Variants in LIMS2 observed in about 807,000 individuals in gnomAD.
LIMS2 encodes LIM and senescent cell antigen-like-containing domain protein 2.
In LIMS2, 30 loss-of-function variants were observed where a neutral mutation model predicts 45.3. The observed-to-expected ratio is 0.66, with a 90% confidence interval of 0.50 to 0.90. The LOEUF is 0.90. Ranked by LOEUF, LIMS2 falls within the 40% of genes least tolerant of loss-of-function variation. LIMS2 has a pLI of 0.00. For missense variants in LIMS2, 485 were observed against 468.7 expected (o/e 1.03, Z -0.32); for synonymous variants, 173 against 188.0 (o/e 0.92, Z 0.65).
chr2:127,650,708 C>T, intron 4 of LIMS2: 1 of 1,587,322 alleles, frequency 6.3e-7, no homozygotes. Flanking sequence ...TTTGCTTGTT[C>T]CCTCCAGGCT....
intron 1 of LIMS2, among the ~76,000 whole-genome samples, chr2:127,660,977 T>G (rs2105316638): frequency 6.6e-6 from 1 of 152,282 alleles, no homozygotes; most frequent in Non-Finnish European, 1.5e-5. Context: ...GCCCAGGGGC[T>G]GCCCCAGCCC....
rs140241805 is a variant in LIMS2, at chr2:127,654,150, T to C, written c.359+274A>G. Reference sequence around the variant, plus strand: ...GGCAGGAGAAGGTGGACAGGTGGGGTCAGTAGATGGGGTGGCCAGGGGGGT... The same window carrying C: ...GGCAGGAGAAGGTGGACAGGTGGGGCCAGTAGATGGGGTGGCCAGGGGGGT... On this transcript the variant is annotated intron_variant, in intron 4 of 9. Coordinates refer to ENST00000355119, the MANE Select transcript of LIMS2 (RefSeq NM_001161403.3). Among the ~76,000 whole-genome samples the C allele has an allele frequency of 8.2e-4, 125 of 151,542 alleles. 1 individual carries two copies. The highest frequency in any genetic ancestry group is 2.9e-3 in the African/African-American group (120 of 41,254).
chr2:127,674,989 C>T, intron 1 of LIMS2, 25 bp downstream of exon 1: 2 of 1,229,084 alleles, frequency 1.6e-6, no homozygotes, highest in Non-Finnish European at 2.0e-6. Context: ...CTCCCCGGCC[C>T]GGGGGCGTGG....
rs1684889558 is a variant in LIMS2 at position 127,664,485 on chromosome 2, A to G, written c.12-6923T>C. Reference sequence around the variant, plus strand: ...GGGAGGCGCGGCCGCCTGGGGCCAGACACCAAGACGGGACGGGCGTGTGGG... The same window carrying G: ...GGGAGGCGCGGCCGCCTGGGGCCAGGCACCAAGACGGGACGGGCGTGTGGG... On this transcript the variant is annotated intron_variant, in intron 1 of 9. Transcript: ENST00000355119. This position sits in a 1 kb window ranked among gnomAD's most constrained non-coding sequence, Gnocchi z 5.5. The G allele has an allele frequency of 1.7e-6, 2 of 1,172,302 alleles. No homozygotes were observed. The highest frequency in any genetic ancestry group is 8.7e-5 in the South Asian group (2 of 22,998). 72.6% of individuals were successfully genotyped at this position (1,172,302 alleles called of 1,614,324 possible). A position where few individuals can be genotyped will look rare whatever the true frequency, so the allele number is the denominator to read the frequency against.
chr2:127,651,766 C>A, intron 4 of LIMS2: 1 of 1,607,810 alleles, frequency 6.2e-7, no homozygotes, highest in Non-Finnish European at 8.5e-7. Context: ...GCGGGGGGCG[C>A]CGTCCAGGCC....
chr2:127,676,339 A>C (rs536983394), upstream of LIMS2, among the ~76,000 whole-genome samples: 21 of 152,286 alleles, frequency 1.4e-4, no homozygotes, highest in Non-Finnish European at 2.1e-4. Flanking sequence ...TTCCACCTGC[A>C]GAAATAAGCT....
chr2:127,668,927 A>G (rs1210286115), intron 1 of LIMS2, among the ~76,000 whole-genome samples: 1 of 151,888 alleles, frequency 6.6e-6, no homozygotes, highest in Non-Finnish European at 1.5e-5. Flanking sequence ...TCTCATCTCT[A>G]CAAAAAATAC....
At chr2:127,641,999 A>G in intron 6 of LIMS2, 50 bp downstream of exon 6, 1 of 1,589,804 alleles carries the variant, frequency 6.3e-7, no homozygotes, top group Non-Finnish European at 8.6e-7. Context: ...CATGACCCTG[A>G]GCTGGGGCAC....
At position 127,641,683 on chromosome 2, in the gene LIMS2, A is replaced by G. The variant is rs1682421521; in HGVS notation, c.660+366T>C. 4 of 190,574 alleles carry G rather than the reference A, an allele frequency of 2.1e-5. No individual in the cohort carries two copies. In the East Asian group the frequency reaches 5.4e-4, roughly 26 times the overall value. The allele number at this position is 190,574 out of a possible 1,614,324, so 11.8% of individuals were successfully genotyped here. A position where few individuals can be genotyped will look rare whatever the true frequency, so the allele number is the denominator to read the frequency against. ...AGTGCTCACACCTGAGGAACTCTTC[A>G]GCTCCGTGTCTGCACAGGGCTGTCC... On this transcript the variant is annotated intron_variant, in intron 6 of 9. Coordinates refer to ENST00000355119, the MANE Select transcript of LIMS2 (RefSeq NM_001161403.3).
At chr2:127,673,373 A>G (rs1316975047) in intron 1 of LIMS2, among the ~76,000 whole-genome samples, 14 of 152,310 alleles carry the variant, frequency 9.2e-5, no homozygotes, top group African/African-American at 2.9e-4. Context: ...CGCCCTACAC[A>G]GTGCCTGCCA....
At chr2:127,659,397 G>A (rs2105309966) in intron 1 of LIMS2, among the ~76,000 whole-genome samples, 1 of 152,314 alleles carries the variant, frequency 6.6e-6, no homozygotes, top group South Asian at 2.1e-4. Flanking sequence ...GCACCCAGCG[G>A]CTGGTCCTCA....
At position 127,674,609 on chromosome 2, in the gene LIMS2, G is replaced by A. The variant is rs1038136272; in HGVS notation, c.11+405C>T. 25 of 983,416 alleles carry A rather than the reference G, an allele frequency of 2.5e-5. No individual in the cohort carries two copies. The African/African-American group carries it at 3.5e-4, about 14-fold the overall frequency. The allele number at this position is 983,416 out of a possible 1,614,324, so 60.9% of individuals were successfully genotyped here. ...AGAGGAGGAAACGGAAGGCTCCAGA[G>A]ATGACACTCACCGGGATCGGGGATC... On this transcript the variant is annotated intron_variant, in intron 1 of 9. Coordinates refer to ENST00000355119, the MANE Select transcript of LIMS2 (RefSeq NM_001161403.3).
intron 4 of LIMS2, among the ~76,000 whole-genome samples, chr2:127,652,877 CTTTTGTAG>C (rs1683947572): frequency 6.6e-6 from 1 of 152,220 alleles, no homozygotes; most frequent in African/African-American, 2.4e-5. Flanking sequence ...CGGCAACATG[CTTTTGTAG>C]CATGTTTGAC....
At chr2:127,674,682 C>G in intron 1 of LIMS2, 6 of 985,446 alleles carry the variant, frequency 6.1e-6, no homozygotes, top group Non-Finnish European at 7.2e-6. Flanking sequence ...AACCTTTGAA[C>G]CTTTTGCCCG....
chr2:127,648,007 G>A, intron 4 of LIMS2: 1 of 985,572 alleles, frequency 1.0e-6, no homozygotes, highest in African/African-American at 1.7e-5. Context: ...CTTCAGCCAA[G>A]CCTGTCTCCC....
chr2:127,660,942 G>A (rs894908905), intron 1 of LIMS2, among the ~76,000 whole-genome samples: 1 of 150,754 alleles, frequency 6.6e-6, no homozygotes, highest in African/African-American at 2.4e-5. Flanking sequence ...GGGGGCGGAT[G>A]TGGGGGTGGC....
chr2:127,644,676 C>T (rs779155625), intron 4 of LIMS2, among the ~76,000 whole-genome samples: 6 of 152,226 alleles, frequency 3.9e-5, no homozygotes, highest in East Asian at 1.9e-4. Context: ...ATCAGCTCAA[C>T]GCCTCAAAAC....
intron 1 of LIMS2, among the ~76,000 whole-genome samples, chr2:127,661,066 T>C (rs919841528): frequency 6.6e-6 from 1 of 152,150 alleles, no homozygotes; most frequent in African/African-American, 2.4e-5. Flanking sequence ...GACAGAAGCA[T>C]GCAGAGACAA....
In LIMS2 at chr2:127,661,037, C is replaced by T. The variant is rs539914348; in HGVS notation, c.12-3475G>A. ...AGCTCTGTGAGGGAACATTCTGCTC[C>T]AAGAGCAAAGACGGGACAGACAGAA... On this transcript the variant is annotated intron_variant, in intron 1 of 9. Coordinates refer to ENST00000355119, the MANE Select transcript of LIMS2 (RefSeq NM_001161403.3). Among the ~76,000 whole-genome samples the T allele has an allele frequency of 2.6e-5, 4 of 152,312 alleles. No individual in the cohort carries two copies. In the South Asian group the frequency reaches 8.3e-4, roughly 32 times the overall value.
Sources: allele counts gnomAD v4.1 joint callset (sites outside exome capture counted in the v4.1 genomes callset), GRCh38; gene constraint gnomAD v4.1.1; non-coding constraint Gnocchi (gnomAD v3.1); transcripts MANE v1.5; gene names NCBI Gene and HGNC (gene_info 2026-07-23, HGNC 2026-07-21).